UBE2K: variants seen among roughly 807,000 people sequenced by gnomAD.
UBE2K encodes ubiquitin conjugating enzyme E2 K.
In UBE2K, 6 loss-of-function variants were observed where a neutral mutation model predicts 30.0. That is an observed-to-expected ratio of 0.20 (90% CI 0.11 to 0.39). The LOEUF (loss-of-function observed/expected upper bound fraction) is 0.39. UBE2K is among the 10% of genes least tolerant of loss of function. The pLI, the probability that UBE2K is intolerant of heterozygous loss-of-function variation, is 1.00. For missense variants in UBE2K, 61 were observed against 241.6 expected, an observed-to-expected ratio of 0.25 and a Z score of 4.96; for synonymous variants, 86 against 83.7, an observed-to-expected ratio of 1.03 and a Z score of -0.15.
At chr4:39,719,497 T>C (rs1157065709) in intron 1 of UBE2K, among the ~76,000 whole-genome samples, 2 of 152,168 alleles carry the variant, frequency 1.3e-5, no homozygotes, top group Non-Finnish European at 2.9e-5. Flanking sequence ...AGGTATCTAA[T>C]TTTGAGGAGC....
At chr4:39,758,119 C>T (rs1381859149) in intron 4 of UBE2K, among the ~76,000 whole-genome samples, 3 of 152,228 alleles carry the variant, frequency 2.0e-5, no homozygotes, top group Non-Finnish European at 2.9e-5. Context: ...CTTCTATAGT[C>T]TTCCCCAACT....
chr4:39,754,360 T>C (rs1721420755), intron 3 of UBE2K, among the ~76,000 whole-genome samples: 1 of 152,196 alleles, frequency 6.6e-6, no homozygotes. Flanking sequence ...TTTAAAGTCA[T>C]TGGCGAATTA....
chr4:39,730,335 T>A (rs192781159), intron 1 of UBE2K, among the ~76,000 whole-genome samples: 1 of 151,944 alleles, frequency 6.6e-6, no homozygotes, highest in Admixed American at 6.6e-5. Context: ...CAGACACACG[T>A]TTTTTGTTTT....
intron 5 of UBE2K, among the ~76,000 whole-genome samples, chr4:39,776,923 C>T (rs1485937119): frequency 6.6e-6 from 1 of 152,074 alleles, no homozygotes. Context: ...AATAATTTGA[C>T]TTATTTCCTT....
At chr4:39,734,865 T>C (rs1184169245) in intron 1 of UBE2K, among the ~76,000 whole-genome samples, 1 of 152,112 alleles carries the variant, frequency 6.6e-6, no homozygotes, top group African/African-American at 2.4e-5. Flanking sequence ...GACAGAGGTA[T>C]GAAAAGGAAT....
chr4:39,707,921 A>ATTTTGCTCTT (rs1718457577), intron 1 of UBE2K, among the ~76,000 whole-genome samples: 1 of 150,526 alleles, frequency 6.6e-6, no homozygotes, highest in Admixed American at 6.6e-5. Context: ...TTTCTGAGAC[A>ATTTTGCTCTT]GTTTTGCTCT....
chr4:39,707,169 C>T (rs1578415686), intron 1 of UBE2K, among the ~76,000 whole-genome samples: 1 of 151,992 alleles, frequency 6.6e-6, no homozygotes, highest in Non-Finnish European at 1.5e-5. Flanking sequence ...CTTGGCCTCC[C>T]AAAGTGCTGG....
At position 39,778,499 on chromosome 4, in the gene UBE2K, T is replaced by A; in HGVS notation, c.*65T>A. Reference sequence around the variant, plus strand: ...TTGAGGAGCACCAACATCTGTTATTTTTAGGATTCTGCATAGATTTCTTTT... The same window carrying A: ...TTGAGGAGCACCAACATCTGTTATTATTAGGATTCTGCATAGATTTCTTTT... On this transcript the variant is annotated 3_prime_UTR_variant, in exon 7 of 7. Transcript: ENST00000261427. 1 of 1,083,502 alleles carries A rather than the reference T, an allele frequency of 9.2e-7. No individual in the cohort carries two copies. The highest frequency in any genetic ancestry group is 1.4e-6 in the Non-Finnish European group (1 of 714,934). The allele number at this position is 1,083,502 out of a possible 1,614,324, so 67.1% of individuals were successfully genotyped here. A position where few individuals can be genotyped will look rare whatever the true frequency, so the allele number is the denominator to read the frequency against.
chr4:39,772,496 G>A (rs1712956915), intron 4 of UBE2K, among the ~76,000 whole-genome samples: 1 of 151,706 alleles, frequency 6.6e-6, no homozygotes, highest in African/African-American at 2.4e-5. Context: ...AATCACCTGA[G>A]CCAAAGAGGT....
In UBE2K at chr4:39,710,356, G is replaced by A. The variant is rs1315035316; in HGVS notation, c.63+11966G>A. On this transcript the variant is annotated intron_variant, in intron 1 of 6. Coordinates refer to ENST00000261427, the MANE Select transcript of UBE2K (RefSeq NM_005339.5). Reference sequence around the variant, plus strand: ...GCAGAGCAAGACCTTATAGCTCACTGTAACCTTGAACTCCTGGGCTCAAGT... The same window carrying A: ...GCAGAGCAAGACCTTATAGCTCACTATAACCTTGAACTCCTGGGCTCAAGT... 3.9e-5 allele frequency among the ~76,000 whole-genome samples: 6 copies of A among 152,086 alleles called. No homozygotes were observed. The South Asian group carries it at 8.3e-4, about 21-fold the overall frequency.
intron 1 of UBE2K, among the ~76,000 whole-genome samples, chr4:39,718,852 G>T (rs188892229): frequency 6.6e-6 from 1 of 152,266 alleles, no homozygotes; most frequent in African/African-American, 2.4e-5. Context: ...TGCAAACGCC[G>T]TGCGCAGCCC....
Position 39,737,421 on chromosome 4 carries a change from C to T in UBE2K, c.65C>T (p.Thr22Met), listed in dbSNP as rs1319113452. 6.5e-7 allele frequency: 1 copy of T among 1,528,548 alleles called. No homozygotes were observed. Among genetic ancestry groups the T allele is most frequent in the Non-Finnish European group, 8.8e-7 (1 of 1,141,666 alleles). The allele number at this position is 1,528,548 out of a possible 1,614,324, so 94.7% of individuals were successfully genotyped here. The change falls in exon 2 of 7, where the codon ACG becomes ATG. Residue 22 changes from threonine to methionine, a missense_variant and splice_region_variant. Physicochemically the swap from Thr to Met is moderately conservative, Grantham distance 81. Coordinates refer to ENST00000261427, the MANE Select transcript of UBE2K (RefSeq NM_005339.5). ...EFKEVLKSEE[T>M]SKNQIKVDLV... ...ATTTATTTTCTGTTTATTTTTAAGA[C>T]GAGCAAAAATCAAATTAAAGTAGAT...
Position 39,761,095 on chromosome 4 carries a change from A to G in UBE2K, c.299+5356A>G, listed in dbSNP as rs371744722. 5.2e-5 allele frequency: 8 copies of G among 152,392 alleles called. No individual in the cohort carries two copies. In the East Asian group the frequency reaches 1.3e-3, roughly 26 times the overall value. 9.4% of individuals were successfully genotyped at this position (152,392 alleles called of 1,614,324 possible). ...CAGCAAGTCTGGGCTGAAGTGTGCTATGCCAGTCAGGTGTCCACATTAAGT... is the reference window on the plus strand; with the variant it reads ...CAGCAAGTCTGGGCTGAAGTGTGCTGTGCCAGTCAGGTGTCCACATTAAGT... On this transcript the variant is annotated intron_variant, in intron 4 of 6. Coordinates refer to ENST00000261427, the MANE Select transcript of UBE2K (RefSeq NM_005339.5).
intron 4 of UBE2K, among the ~76,000 whole-genome samples, chr4:39,757,557 C>T (rs980494330): frequency 6.6e-6 from 1 of 151,772 alleles, no homozygotes; most frequent in Admixed American, 6.6e-5. Context: ...ATCTGTATTT[C>T]AATATATTCT....
intron 1 of UBE2K, among the ~76,000 whole-genome samples, chr4:39,721,115 CT>C (rs940123397): frequency 6.6e-6 from 1 of 152,080 alleles, no homozygotes; most frequent in African/African-American, 2.4e-5. Flanking sequence ...TTAACCAAAA[CT>C]GCGTCATAAC....
chr4:39,759,390 C>T (rs1711733759), intron 4 of UBE2K, among the ~76,000 whole-genome samples: 1 of 152,176 alleles, frequency 6.6e-6, no homozygotes, highest in Admixed American at 6.5e-5. Context: ...AGTTCTCCTG[C>T]CTCGGCCTCC....
rs1721484978 is a variant in UBE2K at position 39,755,577 on chromosome 4, G to A, written c.217-80G>A. 2.3e-5 allele frequency: 25 copies of A among 1,095,638 alleles called. No homozygotes were observed. The South Asian group carries it at 3.0e-4, about 13-fold the overall frequency. 67.9% of individuals were successfully genotyped at this position (1,095,638 alleles called of 1,614,324 possible). A position where few individuals can be genotyped will look rare whatever the true frequency, so the allele number is the denominator to read the frequency against. ...ATAGGGACCTTTCTTTTTTTAGTTT[G>A]AAGATTTCATTTTCTTGTAGTTCTA... On this transcript the variant is annotated intron_variant, in intron 3 of 6. Coordinates refer to ENST00000261427, the MANE Select transcript of UBE2K (RefSeq NM_005339.5).
chr4:39,742,797 G>A (rs1008994616), intron 2 of UBE2K, among the ~76,000 whole-genome samples: 10 of 151,464 alleles, frequency 6.6e-5, no homozygotes, highest in Non-Finnish European at 1.2e-4. Context: ...TGTAATCCCA[G>A]CACTTTGGGA....
chr4:39,773,631 C>T (rs1266165462), intron 4 of UBE2K, among the ~76,000 whole-genome samples: 1 of 151,220 alleles, frequency 6.6e-6, no homozygotes, highest in Non-Finnish European at 1.5e-5. Context: ...ATAAAACTAA[C>T]AAGAAGGTGG....
Sources: gnomAD v4.1 joint callset for allele counts (sites outside exome capture counted in the v4.1 genomes callset) on GRCh38, gnomAD v4.1.1 for gene constraint, MANE v1.5 for transcripts, NCBI Gene and HGNC (gene_info 2026-07-23, HGNC 2026-07-21) for gene names.